Variants in ZNF883 observed in about 807,000 individuals in gnomAD.
The protein encoded by ZNF883 is zinc finger protein 883.
intron 2 of ZNF883, among the ~76,000 whole-genome samples, chr9:113,005,902 ACTTCT>A (rs1304296674): frequency 3.3e-5 from 5 of 152,236 alleles, no homozygotes; most frequent in Middle Eastern, 3.4e-3. Flanking sequence ...GCATGAACAG[ACTTCT>A]CTTGATTCCC....
At chr9:112,999,381 G>C (rs946586822), upstream of ZNF883, among the ~76,000 whole-genome samples, 1 of 152,044 alleles carries the variant, frequency 6.6e-6, no homozygotes, top group Non-Finnish European at 1.5e-5. Flanking sequence ...GCAAATGTGT[G>C]GGGTTGTTTC....
intron 2 of ZNF883, among the ~76,000 whole-genome samples, chr9:113,007,155 C>G (rs1274746225): frequency 6.6e-6 from 1 of 152,178 alleles, no homozygotes; most frequent in Non-Finnish European, 1.5e-5. Context: ...GATCGTGCCA[C>G]TGCACTCTAG....
chr9:113,011,988 G>T (rs1828544055), intron 1 of ZNF883, among the ~76,000 whole-genome samples, 162 bp downstream of exon 1: 1 of 152,094 alleles, frequency 6.6e-6, no homozygotes. Context: ...CCACTGCAAC[G>T]TGAACCAAAT....
chr9:113,008,812 G>A (rs1828502600), intron 2 of ZNF883, among the ~76,000 whole-genome samples: 1 of 151,862 alleles, frequency 6.6e-6, no homozygotes, highest in South Asian at 2.1e-4. Flanking sequence ...AGTAACAGGA[G>A]GGAAGACAGG....
intron 2 of ZNF883, among the ~76,000 whole-genome samples, chr9:113,007,854 C>G (rs181365717): frequency 6.6e-6 from 1 of 152,270 alleles, no homozygotes; most frequent in Non-Finnish European, 1.5e-5. Context: ...AGGACTATAG[C>G]CTCTCCCCTA....
downstream of ZNF883, among the ~76,000 whole-genome samples, chr9:112,995,683 A>C (rs957367475): frequency 6.7e-6 from 1 of 148,830 alleles, no homozygotes; most frequent in Non-Finnish European, 1.5e-5. Flanking sequence ...AATTTTATTA[A>C]ATGATTTTTA....
chr9:113,012,014 A>G (rs1046788609), intron 1 of ZNF883, 136 bp downstream of exon 1: 2 of 152,398 alleles, frequency 1.3e-5, no homozygotes, highest in African/African-American at 2.4e-5. Context: ...GCCTGACCTA[A>G]TCGGCTTTCC....
At chr9:113,007,556 T>C (rs1828490702) in intron 2 of ZNF883, among the ~76,000 whole-genome samples, 1 of 152,232 alleles carries the variant, frequency 6.6e-6, no homozygotes, top group South Asian at 2.1e-4. Context: ...GTGAGTATCC[T>C]AATCTTTGCC....
At chr9:112,992,171 T>C (rs952396143), downstream of ZNF883, among the ~76,000 whole-genome samples, 6 of 152,232 alleles carry the variant, frequency 3.9e-5, no homozygotes, top group African/African-American at 1.4e-4. Flanking sequence ...AGTTGTTTCA[T>C]AGTGTCACTG....
At chr9:112,998,265 C>A, upstream of ZNF883, 1 of 1,556,404 alleles carries the variant, frequency 6.4e-7, no homozygotes, top group South Asian at 1.2e-5. Flanking sequence ...TCCATCAGTA[C>A]TGAACTATGG....
downstream of ZNF883, among the ~76,000 whole-genome samples, chr9:112,992,338 C>T (rs1007604753): frequency 6.6e-5 from 10 of 152,074 alleles, no homozygotes; most frequent in African/African-American, 2.4e-4. Flanking sequence ...CCTTTGCTTA[C>T]GAAGCTTAGT....
At chr9:112,989,978 A>G (rs1258488887) in intron 1 of ZNF883, among the ~76,000 whole-genome samples, 1 of 151,800 alleles carries the variant, frequency 6.6e-6, no homozygotes, top group Non-Finnish European at 1.5e-5. Flanking sequence ...ATGCTGAGAC[A>G]TTGCTGAATT....
chr9:112,990,734 A>G (rs1333545581), intron 1 of ZNF883, among the ~76,000 whole-genome samples: 1 of 152,044 alleles, frequency 6.6e-6, no homozygotes, highest in Non-Finnish European at 1.5e-5. Flanking sequence ...CTGTAAATCC[A>G]TCTGGTCCTG....
At chr9:113,010,866 A>T (rs1349434837) in intron 2 of ZNF883, among the ~76,000 whole-genome samples, 1 of 151,728 alleles carries the variant, frequency 6.6e-6, no homozygotes. Flanking sequence ...CACGCCTGTA[A>T]TTCCAGCTAC....
downstream of ZNF883, among the ~76,000 whole-genome samples, chr9:112,995,366 G>C (rs1564331479): frequency 6.6e-6 from 1 of 152,040 alleles, no homozygotes; most frequent in Non-Finnish European, 1.5e-5. Context: ...CGGCTCTCCT[G>C]AGTCTCCAGC....
chr9:112,997,731 C>A, exon 1 of ZNF883: 1 of 1,613,754 alleles, frequency 6.2e-7, no homozygotes, highest in Non-Finnish European at 8.5e-7. Flanking sequence ...GATTTTTCCT[C>A]AGAATGAATT....
chr9:113,008,608 A>T (rs1447701404), intron 2 of ZNF883, among the ~76,000 whole-genome samples: 2 of 140,836 alleles, frequency 1.4e-5, no homozygotes, highest in African/African-American at 2.5e-5. Context: ...CCAGCATTTT[A>T]TTTGAATTTT....
downstream of ZNF883, among the ~76,000 whole-genome samples, chr9:112,994,376 A>G (rs1288828521): frequency 6.7e-6 from 1 of 149,504 alleles, no homozygotes; most frequent in Non-Finnish European, 1.5e-5. Flanking sequence ...GTAAGTCCCA[A>G]TAGGAGAACC....
intron 2 of ZNF883, among the ~76,000 whole-genome samples, chr9:113,009,018 T>C (rs1480862387): frequency 6.6e-6 from 1 of 151,906 alleles, no homozygotes; most frequent in Non-Finnish European, 1.5e-5. Flanking sequence ...ATGAAGGAAA[T>C]AGAAAAATCC....
Sources: gnomAD v4.1 joint callset for allele counts (sites outside exome capture counted in the v4.1 genomes callset) on GRCh38, gnomAD v4.1.1 for gene constraint, MANE v1.5 for transcripts, NCBI Gene and HGNC (gene_info 2026-07-23, HGNC 2026-07-21) for gene names.